The following SLC25A26 variants were observed in gnomAD, a reference collection of about 807,000 sequenced individuals.
SLC25A26 encodes the protein solute carrier family 25 member 26, also known as mitochondrial S-adenosylmethionine carrier protein.
SLC25A26 carries 36 observed loss-of-function variants against 37.8 expected under a neutral mutation model. The observed-to-expected ratio is 0.95, with a 90% CI of 0.73 to 1.26. The LOEUF (loss-of-function observed/expected upper bound fraction) is 1.26, where lower values mean the gene tolerates loss of function less well. SLC25A26 is among the 50% of genes most tolerant of loss of function. SLC25A26 has a pLI of 0.00. For synonymous variants in SLC25A26, 129 were observed against 122.5 expected (o/e 1.05, Z -0.35); for missense variants, 390 against 331.1 (o/e 1.18, Z -1.38).
At chr3:66,173,680 G>C (rs2070532515) in intron 1 of SLC25A26, among the ~76,000 whole-genome samples, 1 of 152,196 alleles carries the variant, frequency 6.6e-6, no homozygotes, top group Non-Finnish European at 1.5e-5. Context: ...TTAAAATGGA[G>C]TGAGTTTTAC....
At chr3:66,314,454 T>C (rs956008186) in intron 5 of SLC25A26, among the ~76,000 whole-genome samples, 20 of 152,134 alleles carry the variant, frequency 1.3e-4, no homozygotes, top group Non-Finnish European at 2.9e-4. Flanking sequence ...CCGTGCATCC[T>C]GGGGATGAAG....
At chr3:66,193,705 A>T (rs1192860019) in intron 1 of SLC25A26, among the ~76,000 whole-genome samples, 1 of 152,206 alleles carries the variant, frequency 6.6e-6, no homozygotes, top group Non-Finnish European at 1.5e-5. Flanking sequence ...GAACTTTTAG[A>T]TGCTTTGCTA....
chr3:66,244,145 G>A, intron 3 of SLC25A26, among the ~76,000 whole-genome samples: 1 of 152,108 alleles, frequency 6.6e-6, no homozygotes, highest in East Asian at 1.9e-4. Context: ...ACTCATAGTG[G>A]TTTTGCTTCT....
chr3:66,158,690 T>G (rs2070316839), intron 1 of SLC25A26, among the ~76,000 whole-genome samples: 1 of 152,154 alleles, frequency 6.6e-6, no homozygotes, highest in South Asian at 2.1e-4. Context: ...CAAAGTGGCT[T>G]TCGTTTTATT....
chr3:66,365,313 C>T (rs780256347), intron 7 of SLC25A26, among the ~76,000 whole-genome samples: 7 of 152,180 alleles, frequency 4.6e-5, no homozygotes, highest in East Asian at 1.9e-4. Context: ...CCTTGGCACT[C>T]TTTCTTGTTC....
chr3:66,330,580 A>G (rs1575575724), intron 5 of SLC25A26, among the ~76,000 whole-genome samples: 2 of 150,574 alleles, frequency 1.3e-5, no homozygotes, highest in African/African-American at 4.9e-5. Flanking sequence ...GTGCCTTGAG[A>G]TATTAGCTAA....
rs1171196777 is a variant in SLC25A26 at position 66,209,910 on chromosome 3, A to C, written c.-353-10832A>C. 4.9e-4 allele frequency among the ~76,000 whole-genome samples: 12 copies of C among 24,608 alleles called. 1 individual carries two copies. Among genetic ancestry groups the C allele is most frequent in the African/African-American group, 1.5e-3 (10 of 6,462 alleles). The allele number at this position is 24,608 out of a possible 152,430, so 16.1% of individuals were successfully genotyped here. On this transcript the variant is annotated intron_variant, in intron 1 of 10. Transcript: ENST00000676754. ...TCTCTCTCTCTATTTATATATATAT[A>C]TATATATATATATATATATATATAT...
intron 5 of SLC25A26, among the ~76,000 whole-genome samples, chr3:66,268,609 G>C (rs957960055): frequency 1.3e-5 from 2 of 152,308 alleles, no homozygotes; most frequent in African/African-American, 4.8e-5. Flanking sequence ...CACACAGTAC[G>C]TGCTCAGGAA....
intron 5 of SLC25A26, among the ~76,000 whole-genome samples, chr3:66,307,716 A>C (rs1456552898): frequency 1.3e-5 from 2 of 152,204 alleles, no homozygotes; most frequent in South Asian, 2.1e-4. Flanking sequence ...TTTTCTGCAT[A>C]TGGCTAGCCA....
intron 1 of SLC25A26, among the ~76,000 whole-genome samples, chr3:66,180,447 C>T (rs904608052): frequency 2.0e-5 from 3 of 152,206 alleles, no homozygotes; most frequent in Non-Finnish European, 2.9e-5. Flanking sequence ...TCAGACCCAC[C>T]AGCATCAGAA....
intron 9 of SLC25A26, 52 bp downstream of exon 9, chr3:66,370,654 C>T: frequency 6.8e-7 from 1 of 1,460,060 alleles, no homozygotes; most frequent in East Asian, 2.3e-5. Context: ...ACTCCTCCTC[C>T]TTTAGCCTAA....
At chr3:66,242,977 G>A (rs919064177) in intron 2 of SLC25A26, among the ~76,000 whole-genome samples, 1 of 152,078 alleles carries the variant, frequency 6.6e-6, no homozygotes, top group South Asian at 2.1e-4. Context: ...GCTCCTTCAG[G>A]GTAGGTGTTA....
intron 3 of SLC25A26, among the ~76,000 whole-genome samples, chr3:66,249,326 A>G (rs1160913763): frequency 6.6e-6 from 1 of 152,154 alleles, no homozygotes; most frequent in African/African-American, 2.4e-5. Context: ...CCTTTGTACC[A>G]CAGTCCATTC....
chr3:66,247,601 C>T (rs1271589262), intron 3 of SLC25A26, among the ~76,000 whole-genome samples: 1 of 152,174 alleles, frequency 6.6e-6, no homozygotes, highest in Admixed American at 6.5e-5. Context: ...TGAGACACTG[C>T]ACCCTGCCAA....
intron 1 of SLC25A26, among the ~76,000 whole-genome samples, chr3:66,196,675 AATT>A (rs2071048144): frequency 2.0e-5 from 3 of 150,632 alleles, no homozygotes; most frequent in East Asian, 3.9e-4. Context: ...TATCAAATTA[AATT>A]ATTATGTGAA....
At chr3:66,153,990 T>A (rs890870174) in intron 1 of SLC25A26, among the ~76,000 whole-genome samples, 1 of 152,068 alleles carries the variant, frequency 6.6e-6, no homozygotes, top group African/African-American at 2.4e-5. Context: ...CCGTCAGGAG[T>A]GCGTGGTTTA....
At chr3:66,224,681 C>T (rs943261747) in intron 1 of SLC25A26, among the ~76,000 whole-genome samples, 1 of 152,198 alleles carries the variant, frequency 6.6e-6, no homozygotes, top group Non-Finnish European at 1.5e-5. Context: ...AGTCTTAACT[C>T]ATTTTAGCAT....
chr3:66,243,383 A>G, intron 3 of SLC25A26, 71 bp downstream of exon 3: 3 of 728,692 alleles, frequency 4.1e-6, no homozygotes, highest in Non-Finnish European at 6.9e-6. Context: ...GTACATATTT[A>G]TTTCATTTTT....
At chr3:66,286,480 A>C (rs903801390) in intron 5 of SLC25A26, among the ~76,000 whole-genome samples, 4 of 151,794 alleles carry the variant, frequency 2.6e-5, no homozygotes, top group Non-Finnish European at 5.9e-5. Context: ...ATGCTTTTGC[A>C]TCTTTTAAAA....
Sources: gnomAD v4.1 joint callset for allele counts (sites outside exome capture counted in the v4.1 genomes callset) on GRCh38, gnomAD v4.1.1 for gene constraint, MANE v1.5 for transcripts, NCBI Gene and HGNC (gene_info 2026-07-23, HGNC 2026-07-21) for gene names.